The following FSTL5 variants were observed in gnomAD, a reference collection of about 807,000 sequenced individuals.
The protein encoded by FSTL5 is follistatin-related protein 5.
A neutral mutation model predicts 89.1 loss-of-function variants in FSTL5; 62 were observed. The ratio of observed to expected loss-of-function variants is 0.70; its 90% CI spans 0.57 to 0.86. FSTL5 has a LOEUF of 0.86. FSTL5 is among the 40% of genes least tolerant of loss of function. The probability of loss-of-function intolerance (pLI) is 0.00; values close to 1 mark genes in which losing one functional copy is unlikely to be tolerated. For synonymous variants in FSTL5, 383 were observed against 346.2 expected, an observed-to-expected ratio of 1.11 and a Z score of -1.18; for missense variants, 1,057 against 1,001.6, an observed-to-expected ratio of 1.06 and a Z score of -0.75.
chr4:161,912,188 G>A (rs1390452005), intron 4 of FSTL5, among the ~76,000 whole-genome samples: 1 of 152,130 alleles, frequency 6.6e-6, no homozygotes. Flanking sequence ...TTGAAAAATA[G>A]TTGTAAAAAG....
rs549598927 is a variant in FSTL5, at chr4:161,437,064, A to G, written c.1841+17940T>C. Among the ~76,000 whole-genome samples the G allele has an allele frequency of 2.0e-4, 30 of 152,308 alleles. No homozygotes were observed. In the South Asian group the frequency reaches 5.2e-3, roughly 26 times the overall value. On this transcript the variant is annotated intron_variant, in intron 15 of 15. Coordinates refer to ENST00000306100, the MANE Select transcript of FSTL5 (RefSeq NM_020116.5). The stretch of plus-strand genomic sequence containing the variant: ...GTTTGAAAAAATGAGTTATGCTATT[A>G]TAAAAGCTTGCATATAACGCCATTA...
At chr4:162,065,523 G>A (rs1246813628) in intron 2 of FSTL5, among the ~76,000 whole-genome samples, 3 of 151,798 alleles carry the variant, frequency 2.0e-5, no homozygotes, top group African/African-American at 4.8e-5. Flanking sequence ...TAGTACATGC[G>A]AGCATAGCTA....
In FSTL5 at chr4:161,843,314, G is replaced by T. The variant is rs188026804; in HGVS notation, c.410-67240C>A. On this transcript the variant is annotated intron_variant, in intron 4 of 15. Transcript: ENST00000306100. ...AATTATTTGAAGAAAGTCAATGGTAGCTTGATGGAGATAGCACTGAATCTA... is the reference window on the plus strand; with the variant it reads ...AATTATTTGAAGAAAGTCAATGGTATCTTGATGGAGATAGCACTGAATCTA... Among the ~76,000 whole-genome samples the T allele has an allele frequency of 3.4e-3, 516 of 152,268 alleles. 11 individuals are homozygous for T. The South Asian group carries it at 0.046, about 14-fold the overall frequency.
At chr4:161,431,400 AATAATGAGTTAAAAGATATT>A (rs1383835300) in intron 15 of FSTL5, among the ~76,000 whole-genome samples, 1 of 152,078 alleles carries the variant, frequency 6.6e-6, no homozygotes, top group Non-Finnish European at 1.5e-5. Flanking sequence ...ATCAGTTTAA[AATAATGAGTTAAAAGATATT>A]ATTTGTAAGC....
intron 8 of FSTL5, among the ~76,000 whole-genome samples, chr4:161,550,872 T>C (rs1402664727): frequency 6.6e-6 from 1 of 151,942 alleles, no homozygotes; most frequent in African/African-American, 2.4e-5. Flanking sequence ...CTGAGAATGA[T>C]GATTTCCAAT....
chr4:161,980,818 C>T (rs1735807532), intron 3 of FSTL5, among the ~76,000 whole-genome samples: 1 of 140,268 alleles, frequency 7.1e-6, no homozygotes, highest in Non-Finnish European at 1.5e-5. Flanking sequence ...ACTCTGTCAC[C>T]CAGGCTGTAG....
At chr4:161,923,698 A>G (rs185378294) in intron 3 of FSTL5, among the ~76,000 whole-genome samples, 10 of 151,664 alleles carry the variant, frequency 6.6e-5, no homozygotes, top group Admixed American at 2.0e-4. Flanking sequence ...AAATTTTCCA[A>G]TTTTTAGGGG....
At chr4:161,831,778 C>A (rs1053031777) in intron 4 of FSTL5, among the ~76,000 whole-genome samples, 1 of 151,576 alleles carries the variant, frequency 6.6e-6, no homozygotes, top group African/African-American at 2.4e-5. Context: ...TATTTTGGAA[C>A]AGCATAATAA....
intron 4 of FSTL5, among the ~76,000 whole-genome samples, chr4:161,813,910 T>C (rs1482932592): frequency 6.6e-6 from 1 of 152,028 alleles, no homozygotes; most frequent in East Asian, 1.9e-4. Flanking sequence ...TTTATTTAAA[T>C]AGAAAAGGGA....
chr4:161,712,901 G>C lies in FSTL5; in HGVS notation c.727+46510C>G, dbSNP rs965393325. Among the ~76,000 whole-genome samples, 7 of 152,044 alleles carry C rather than the reference G, an allele frequency of 4.6e-5. No homozygotes were observed. The East Asian group carries it at 1.2e-3, about 25-fold the overall frequency. ...TGTTTCCTCCTTTGCCTTCCACCAT[G>C]ATTGTAAGCTTTCTAAGGCCTCTTC... is the stretch of plus-strand genomic sequence containing the variant. On this transcript the variant is annotated intron_variant, in intron 6 of 15. Transcript: ENST00000306100.
At chr4:161,514,680 A>G (rs964409976) in intron 10 of FSTL5, among the ~76,000 whole-genome samples, 1 of 152,148 alleles carries the variant, frequency 6.6e-6, no homozygotes, top group Non-Finnish European at 1.5e-5. Context: ...ATTTAAAATT[A>G]ATTTTTGATG....
At chr4:162,050,001 A>AT (rs1488210759) in intron 2 of FSTL5, among the ~76,000 whole-genome samples, 28 of 152,018 alleles carry the variant, frequency 1.8e-4, no homozygotes, top group Admixed American at 6.6e-4. Context: ...AAGGCAAATA[A>AT]TTCTTGAAAG....
In FSTL5 at chr4:161,670,405, G is replaced by C. The variant is rs149705035; in HGVS notation, c.728-13911C>G. Reference sequence around the variant, plus strand: ...AGGAAACCCCAGGACATTAATGTTGGAGTCGATCAAATGACACATTATTTG... The same window carrying C: ...AGGAAACCCCAGGACATTAATGTTGCAGTCGATCAAATGACACATTATTTG... On this transcript the variant is annotated intron_variant, in intron 6 of 15. Transcript: ENST00000306100. Among the ~76,000 whole-genome samples the C allele has an allele frequency of 6.1e-3, 923 of 152,230 alleles. 9 individuals are homozygous for C. Among genetic ancestry groups the C allele is most frequent in the South Asian group, 0.045 (219 of 4,820 alleles).
intron 4 of FSTL5, among the ~76,000 whole-genome samples, chr4:161,837,031 A>C (rs539765624): frequency 6.6e-6 from 1 of 152,162 alleles, no homozygotes; most frequent in African/African-American, 2.4e-5. Flanking sequence ...AGTTGGACCT[A>C]TGAGTCTAAA....
At chr4:161,611,406 C>T (rs1474506396) in intron 7 of FSTL5, among the ~76,000 whole-genome samples, 8 of 151,430 alleles carry the variant, frequency 5.3e-5, no homozygotes, top group African/African-American at 1.9e-4. Context: ...ATGCACACAC[C>T]TAACAAATAT....
chr4:161,621,405 G>T (rs1735119607), intron 7 of FSTL5, among the ~76,000 whole-genome samples: 1 of 151,844 alleles, frequency 6.6e-6, no homozygotes, highest in African/African-American at 2.4e-5. Context: ...AAATATTTAA[G>T]CAGCAGCTAA....
At chr4:161,975,272 T>G (rs1036656699) in intron 3 of FSTL5, among the ~76,000 whole-genome samples, 16 of 149,764 alleles carry the variant, frequency 1.1e-4, no homozygotes, top group African/African-American at 3.7e-4. Flanking sequence ...CAAAGGACTA[T>G]AAATCATGCT....
At chr4:162,091,178 G>A (rs1418800841) in intron 2 of FSTL5, among the ~76,000 whole-genome samples, 2 of 152,110 alleles carry the variant, frequency 1.3e-5, no homozygotes, top group Non-Finnish European at 1.5e-5. Flanking sequence ...CAGCCACCCT[G>A]CCCCCTAAGA....
intron 8 of FSTL5, among the ~76,000 whole-genome samples, chr4:161,551,969 A>C (rs1732233017): frequency 6.6e-6 from 1 of 152,082 alleles, no homozygotes; most frequent in Non-Finnish European, 1.5e-5. Flanking sequence ...TGGCAACAAA[A>C]GACAAAATTG....
Sources: gnomAD v4.1 joint callset for allele counts (sites outside exome capture counted in the v4.1 genomes callset) on GRCh38, gnomAD v4.1.1 for gene constraint, MANE v1.5 for transcripts, NCBI Gene and HGNC (gene_info 2026-07-23, HGNC 2026-07-21) for gene names.